The following SERGEF variants were observed in gnomAD, a reference collection of about 807,000 sequenced individuals.
SERGEF encodes secretion-regulating guanine nucleotide exchange factor.
A neutral mutation model predicts 50.0 loss-of-function variants in SERGEF; 51 were observed. The ratio of observed to expected loss-of-function variants is 1.02; its 90% CI spans 0.81 to 1.29. The LOEUF is 1.29. SERGEF is among the 50% of genes most tolerant of loss of function. The pLI is 0.00. For synonymous variants in SERGEF, 205 were observed against 212.4 expected (o/e 0.97, Z 0.30); for missense variants, 521 against 557.0 (o/e 0.94, Z 0.65).
chr11:17,874,794 T>C (rs139048988), intron 10 of SERGEF, among the ~76,000 whole-genome samples: 1 of 152,192 alleles, frequency 6.6e-6, no homozygotes, highest in East Asian at 1.9e-4. Flanking sequence ...AGTTTACAAA[T>C]CCATCCTGCA....
At chr11:18,001,419 C>G (rs1479942239) in intron 4 of SERGEF, among the ~76,000 whole-genome samples, 2 of 152,198 alleles carry the variant, frequency 1.3e-5, no homozygotes, top group Non-Finnish European at 2.9e-5. Context: ...CTCTCCCTCT[C>G]TCTCTCATCA....
At chr11:17,831,714 C>G (rs558105363) in intron 10 of SERGEF, among the ~76,000 whole-genome samples, 409 of 152,276 alleles carry the variant, frequency 2.7e-3, no homozygotes, top group Non-Finnish European at 3.7e-3. Context: ...TTTGAGATAG[C>G]CTACCAAATG....
chr11:17,861,713 A>G (rs949382443), intron 10 of SERGEF, among the ~76,000 whole-genome samples: 1 of 152,244 alleles, frequency 6.6e-6, no homozygotes, highest in Non-Finnish European at 1.5e-5. Flanking sequence ...GGAAGAGAAA[A>G]GGGCTGGCTT....
At chr11:17,929,341 G>A (rs945483510) in intron 9 of SERGEF, among the ~76,000 whole-genome samples, 1 of 152,152 alleles carries the variant, frequency 6.6e-6, no homozygotes, top group Non-Finnish European at 1.5e-5. Context: ...CAGCCACTAA[G>A]AGGATAATAG....
intron 9 of SERGEF, among the ~76,000 whole-genome samples, chr11:17,948,485 C>G (rs550296355): frequency 2.0e-5 from 3 of 152,146 alleles, no homozygotes; most frequent in African/African-American, 7.2e-5. Context: ...ATGCTCCCCA[C>G]GTAATTAATA....
chr11:17,959,994 G>A (rs1362697074), intron 8 of SERGEF, among the ~76,000 whole-genome samples: 1 of 152,050 alleles, frequency 6.6e-6, no homozygotes, highest in Non-Finnish European at 1.5e-5. Context: ...CACACTCCTT[G>A]TGCTTTGCCC....
intron 8 of SERGEF, among the ~76,000 whole-genome samples, chr11:17,984,163 G>T (rs1469985451): frequency 1.3e-5 from 2 of 152,192 alleles, no homozygotes; most frequent in African/African-American, 4.8e-5. Context: ...GGTTGGAGGG[G>T]AGAGGGAGGA....
intron 8 of SERGEF, among the ~76,000 whole-genome samples, chr11:17,962,006 G>C (rs186132866): frequency 6.6e-6 from 1 of 152,114 alleles, no homozygotes; most frequent in Non-Finnish European, 1.5e-5. Context: ...TTACAGATGA[G>C]GTTAAATGAT....
At position 17,882,450 on chromosome 11, in the gene SERGEF, T is replaced by C. The variant is rs139319840; in HGVS notation, c.1012-4206A>G. On this transcript the variant is annotated intron_variant, in intron 9 of 10. Transcript: ENST00000265965. ...AAAAAAAAAAAAGAAAAAAAAAGAC[T>C]GTTCAAACATCACCTCCTGGTAAAG... 5.6e-3 allele frequency among the ~76,000 whole-genome samples: 839 copies of C among 148,714 alleles called. 8 individuals are homozygous for C. The highest frequency in any genetic ancestry group is 0.01 in the Non-Finnish European group (696 of 67,374).
At position 18,006,581 on chromosome 11, in the gene SERGEF, G is replaced by A. The variant is rs1283500487; in HGVS notation, c.352+10C>T. On this transcript the variant is annotated intron_variant, in intron 3 of 10. Coordinates refer to ENST00000265965, the MANE Select transcript of SERGEF (RefSeq NM_012139.4). ...TGTGGTGACAAAAATCTACCTAGGA[G>A]TGAACTCACCTGTGAGCATAATCGT... The A allele has an allele frequency of 1.5e-5, 24 of 1,612,556 alleles. No individual in the cohort carries two copies. The highest frequency in any genetic ancestry group is 2.0e-5 in the Non-Finnish European group (24 of 1,179,424).
chr11:17,813,214 G>A (rs750990048), intron 10 of SERGEF, among the ~76,000 whole-genome samples: 1 of 152,204 alleles, frequency 6.6e-6, no homozygotes, highest in Non-Finnish European at 1.5e-5. Context: ...CGAAGCTGGT[G>A]TGAGGACCAG....
intron 9 of SERGEF, among the ~76,000 whole-genome samples, chr11:17,951,886 T>C (rs1307704813): frequency 6.6e-6 from 1 of 152,128 alleles, no homozygotes; most frequent in Non-Finnish European, 1.5e-5. Context: ...GTCTTCCTTC[T>C]CCCATTTCCA....
Position 18,008,051 on chromosome 11 carries a change from C to A in SERGEF, c.86G>T (p.Gly29Val). 1 of 1,614,014 alleles carries A rather than the reference C, an allele frequency of 6.2e-7. No individual in the cohort carries two copies. Among genetic ancestry groups the A allele is most frequent in the Non-Finnish European group, 8.5e-7 (1 of 1,179,956 alleles). ...AWGANSYGQL[G>V]LGHKEDVLLP... is the part of the protein sequence containing the mutation. ...CAGCACATCTTCCTTATGGCCGAGG[C>A]CAAGTTGCCCATAGCTATTTGCACC... is the stretch of plus-strand genomic sequence containing the variant. The change falls in exon 2 of 11, where the codon GGC becomes GTC. Residue 29 changes from glycine (G) to valine (V), a missense_variant. Gly to Val is a moderately radical substitution (Grantham distance 109). Transcript: ENST00000265965.
intron 9 of SERGEF, among the ~76,000 whole-genome samples, chr11:17,882,459 A>T (rs1276383135): frequency 6.6e-6 from 1 of 151,536 alleles, no homozygotes; most frequent in Non-Finnish European, 1.5e-5. Flanking sequence ...CTGTTCAAAC[A>T]TCACCTCCTG....
intron 9 of SERGEF, among the ~76,000 whole-genome samples, chr11:17,937,135 T>C (rs888593939): frequency 5.9e-5 from 9 of 152,090 alleles, no homozygotes; most frequent in African/African-American, 1.2e-4. Context: ...TATAGATAAA[T>C]GTTCCTAATA....
intron 10 of SERGEF, among the ~76,000 whole-genome samples, chr11:17,858,498 GT>G (rs1296556531): frequency 6.6e-6 from 1 of 152,164 alleles, no homozygotes; most frequent in East Asian, 1.9e-4. Flanking sequence ...ATCTCTGGAA[GT>G]TTACCAATGG....
At chr11:17,978,982 T>C (rs1322387289) in intron 8 of SERGEF, among the ~76,000 whole-genome samples, 1 of 152,124 alleles carries the variant, frequency 6.6e-6, no homozygotes, top group Non-Finnish European at 1.5e-5. Flanking sequence ...AGACCACAGA[T>C]CAATGGGTAT....
At chr11:17,875,878 C>T (rs1339663722) in intron 10 of SERGEF, among the ~76,000 whole-genome samples, 1 of 152,206 alleles carries the variant, frequency 6.6e-6, no homozygotes, top group Non-Finnish European at 1.5e-5. Context: ...CAGCACCAGG[C>T]ACTGAAGGGC....
intron 2 of SERGEF, among the ~76,000 whole-genome samples, chr11:18,007,309 T>G (rs546648261): frequency 6.6e-6 from 1 of 152,228 alleles, no homozygotes; most frequent in African/African-American, 2.4e-5. Context: ...CAACGACCCA[T>G]GACAGTCGGA....
Sources: allele counts gnomAD v4.1 joint callset (sites outside exome capture counted in the v4.1 genomes callset), GRCh38; gene constraint gnomAD v4.1.1; transcripts MANE v1.5; gene names NCBI Gene and HGNC (gene_info 2026-07-23, HGNC 2026-07-21).